C2CD3: variants seen among roughly 807,000 people sequenced by gnomAD.
C2CD3 encodes C2 domain-containing protein 3.
In C2CD3, 148 loss-of-function variants were observed where a neutral mutation model predicts 234.0. The observed-to-expected ratio is 0.63, with a 90% CI of 0.55 to 0.72. C2CD3 has a LOEUF of 0.72. C2CD3 is among the 30% of genes least tolerant of loss of function. C2CD3 has a pLI of 0.00. For missense variants in C2CD3, 2,577 were observed against 2,811.5 expected (o/e 0.92, Z 1.89); for synonymous variants, 1,000 against 1,035.4 (o/e 0.97, Z 0.66).
Position 74,100,557 on chromosome 11 carries a change from T to C in C2CD3, c.2700A>G (p.Lys900=). 1.2e-6 allele frequency: 2 copies of C among 1,612,644 alleles called. No individual in the cohort carries two copies. The highest frequency in any genetic ancestry group is 2.2e-5 in the East Asian group (1 of 44,848). Residue 900 remains lysine (K), a synonymous_variant, in exon 15 of 33, where the codon AAA becomes AAG. Coordinates refer to ENST00000334126, the MANE Select transcript of C2CD3 (RefSeq NM_001286577.2). ...ACATGTAAAACTGGTGGAGGGGAAG[T>C]TTCACCAGCCCGAGCAGCTTGTCCT... ...PGQDKLLGLV[K]LPLHQFYMSF...
At position 74,161,346 on chromosome 11, in the gene C2CD3, T is replaced by C. The variant is rs1856452882; in HGVS notation, c.483+53A>G. 2.6e-6 allele frequency: 3 copies of C among 1,149,308 alleles called. No homozygotes were observed. The African/African-American group carries it at 4.8e-5, about 18-fold the overall frequency. 71.2% of individuals were successfully genotyped at this position (1,149,308 alleles called of 1,614,324 possible). ...TCCATTCTACAAACAGACTCAACTA[T>C]TTCTGCCCAAAAAGTTTATTTTATG... On this transcript the variant is annotated intron_variant, in intron 3 of 32. Transcript: ENST00000334126.
chr11:74,115,643 C>T (rs1956902098), intron 9 of C2CD3, among the ~76,000 whole-genome samples: 1 of 152,018 alleles, frequency 6.6e-6, no homozygotes, highest in East Asian at 1.9e-4. Context: ...TCATATGGAA[C>T]CAAAAAAGAG....
At position 74,168,469 on chromosome 11, in the gene C2CD3, C is replaced by T. The variant is rs764509895; in HGVS notation, c.200G>A (p.Gly67Glu). The T allele has an allele frequency of 5.6e-6, 9 of 1,614,056 alleles. No individual in the cohort carries two copies. The South Asian group carries it at 8.8e-5, about 16-fold the overall frequency. Residue 67 changes from glycine to glutamate, a missense_variant, in exon 2 of 33, where the codon GGA (glycine) becomes GAA (glutamate). Gly to Glu is a moderately conservative substitution (Grantham distance 98). Transcript: ENST00000334126. ...AAAGAGGGTTCCATCTGATGTTTCT[C>T]CCCACCATCTCACTCGGACAAGTAC... is the stretch of plus-strand genomic sequence containing the variant. ...TCVLVRVRWW[G>E]ETSDGTLFCP...
intron 32 of C2CD3, among the ~76,000 whole-genome samples, chr11:74,025,613 A>G (rs1565204721): frequency 6.6e-6 from 1 of 152,110 alleles, no homozygotes; most frequent in Non-Finnish European, 1.5e-5. Context: ...CCTGTGGGGC[A>G]TGACTCGCTG....
At chr11:74,113,216 C>G (rs1170147987) in intron 11 of C2CD3, 1 of 153,536 alleles carries the variant, frequency 6.5e-6, no homozygotes, top group African/African-American at 2.4e-5. Flanking sequence ...TTGCATGATT[C>G]CATTTATATG....
At position 74,123,109 on chromosome 11, in the gene C2CD3, C is replaced by A; in HGVS notation, c.1244G>T (p.Trp415Leu). 1 of 1,613,450 alleles carries A rather than the reference C, an allele frequency of 6.2e-7. No individual in the cohort carries two copies. Among genetic ancestry groups the A allele is most frequent in the South Asian group, 1.1e-5 (1 of 91,068 alleles). ...ATCTGGAGGAGAGCCTAGCCCATCC[C>A]AGAAATTGCCTTGGGATAATTCAGC... Reference protein sequence around the residue: ...GSAELSQGNFWDGLGSPPDSP... With the variant: ...GSAELSQGNFLDGLGSPPDSP... The change falls in exon 8 of 33, where the codon TGG (tryptophan) becomes TTG (leucine). Residue 415 changes from tryptophan (W) to leucine (L), a missense_variant. Transcript: ENST00000334126.
chr11:74,054,006 C>T (rs1232747080), intron 26 of C2CD3, among the ~76,000 whole-genome samples: 1 of 152,130 alleles, frequency 6.6e-6, no homozygotes, highest in African/African-American at 2.4e-5. Context: ...GGCGCGGTGG[C>T]TCACGCCTGT....
intron 28 of C2CD3, among the ~76,000 whole-genome samples, chr11:74,047,798 A>G (rs1424217296): frequency 6.6e-6 from 1 of 152,232 alleles, no homozygotes; most frequent in Non-Finnish European, 1.5e-5. Flanking sequence ...AACATGCTCT[A>G]GCCCTGAGAG....
intron 29 of C2CD3, among the ~76,000 whole-genome samples, chr11:74,038,450 T>G (rs1475861506): frequency 1.3e-5 from 2 of 152,210 alleles, no homozygotes; most frequent in African/African-American, 4.8e-5. Flanking sequence ...GCTAATCATA[T>G]GAGATCAGTA....
chr11:74,078,042 A>G, intron 23 of C2CD3, 73 bp downstream of exon 23: 4 of 1,495,894 alleles, frequency 2.7e-6, no homozygotes, highest in Non-Finnish European at 3.6e-6. Context: ...AATGTCTGAC[A>G]GAGTGTCTCA....
rs772857626 is a variant in C2CD3, at chr11:74,078,134, C to T, written c.4584G>A (p.Ala1528=). The T allele has an allele frequency of 1.4e-5, 22 of 1,613,602 alleles. No individual in the cohort carries two copies. Among genetic ancestry groups the T allele is most frequent in the South Asian group, 2.2e-5 (2 of 91,024 alleles). The change falls in exon 23 of 33, where the codon GCG becomes GCA. Residue 1528 remains alanine (A), a synonymous_variant. Coordinates refer to ENST00000334126, the MANE Select transcript of C2CD3 (RefSeq NM_001286577.2). ...VDLARLGERS[A]RTLTVSGVYP... ...ACTTACCACTGACAGTTAGCGTCCTCGCTGACCTCTCCCCAAGTCTGGCCA... is the reference window on the plus strand; with the variant it reads ...ACTTACCACTGACAGTTAGCGTCCTTGCTGACCTCTCCCCAAGTCTGGCCA...
At chr11:74,055,613 T>C (rs962686496) in intron 25 of C2CD3, among the ~76,000 whole-genome samples, 1 of 152,216 alleles carries the variant, frequency 6.6e-6, no homozygotes, top group Non-Finnish European at 1.5e-5. Context: ...AAGATTCACC[T>C]CTGAATGCTA....
At chr11:74,100,041 T>C (rs1279486982) in intron 15 of C2CD3, among the ~76,000 whole-genome samples, 3 of 152,246 alleles carry the variant, frequency 2.0e-5, no homozygotes, top group East Asian at 1.9e-4. Flanking sequence ...ATATTCACTA[T>C]ATAAAACTTG....
At chr11:74,091,067 TG>T (rs1955874776) in intron 19 of C2CD3, 131 bp from the exon 20 acceptor site, 2 of 828,412 alleles carry the variant, frequency 2.4e-6, no homozygotes, top group East Asian at 5.4e-5. Context: ...TGAGAGAATC[TG>T]TCCTTGTCAT....
chr11:74,057,128 T>A (rs539839476), intron 25 of C2CD3, among the ~76,000 whole-genome samples: 1 of 152,194 alleles, frequency 6.6e-6, no homozygotes, highest in East Asian at 1.9e-4. Context: ...TTGCATGGAG[T>A]ATCTTAATAA....
At chr11:74,109,810 C>T (rs1051185920) in intron 11 of C2CD3, among the ~76,000 whole-genome samples, 10 of 152,060 alleles carry the variant, frequency 6.6e-5, no homozygotes, top group Admixed American at 2.0e-4. Context: ...CGGTGGCTCA[C>T]GCCTGTAATC....
intron 2 of C2CD3, among the ~76,000 whole-genome samples, chr11:74,161,823 T>C (rs2135570654): frequency 6.6e-6 from 1 of 150,390 alleles, no homozygotes; most frequent in Admixed American, 6.6e-5. Context: ...CTTTTTTTTT[T>C]TTTTTTTTTT....
At chr11:74,124,955 T>C (rs1957359276) in intron 7 of C2CD3, among the ~76,000 whole-genome samples, 1 of 152,230 alleles carries the variant, frequency 6.6e-6, no homozygotes. Flanking sequence ...TTGCCTGTGT[T>C]CCTTGGCCAT....
chr11:74,066,135 G>A (rs190571974), intron 24 of C2CD3, among the ~76,000 whole-genome samples: 123 of 150,648 alleles, frequency 8.2e-4, no homozygotes, highest in Admixed American at 4.2e-3. Context: ...GGATGAGTTC[G>A]TGTCCTTTGT....
Sources: allele counts gnomAD v4.1 joint callset (sites outside exome capture counted in the v4.1 genomes callset), GRCh38; gene constraint gnomAD v4.1.1; transcripts MANE v1.5; gene names NCBI Gene and HGNC (gene_info 2026-07-23, HGNC 2026-07-21).